Variants in EIF2B3 observed in about 807,000 individuals in gnomAD.
The protein encoded by EIF2B3 is eukaryotic translation initiation factor 2B subunit gamma.
In EIF2B3, 20 loss-of-function variants were observed where a neutral mutation model predicts 54.1. The ratio of observed to expected loss-of-function variants is 0.37; its 90% CI spans 0.26 to 0.54. The LOEUF is 0.54. Ranked by LOEUF, EIF2B3 falls within the 20% of genes least tolerant of loss-of-function variation. EIF2B3 has a pLI of 0.86. For synonymous variants in EIF2B3, 153 were observed against 188.1 expected (o/e 0.81, Z 1.52); for missense variants, 448 against 547.8 (o/e 0.82, Z 1.82).
intron 11 of EIF2B3, among the ~76,000 whole-genome samples, chr1:44,855,560 CTTTTT>C (rs879797686): frequency 6.9e-6 from 1 of 144,316 alleles, no homozygotes; most frequent in Non-Finnish European, 1.5e-5. Flanking sequence ...CCTTGAGGAT[CTTTTT>C]TTTTTTTTTG....
At chr1:44,949,270 A>G (rs1347829188) in intron 3 of EIF2B3, among the ~76,000 whole-genome samples, 2 of 152,212 alleles carry the variant, frequency 1.3e-5, no homozygotes, top group East Asian at 3.8e-4. Flanking sequence ...GTCTTGTCAC[A>G]GTTACTAGAA....
Position 44,981,052 on chromosome 1 carries a change from T to G in EIF2B3, c.117A>C (p.Pro39=). ...PVGNKPLIWY[P]LNLLERVGFE... ...ATCCAACACGCTCAAGCAGGTTCAA[T>G]GGGTACCAAATTAAAGGTTTGTTCC... The change falls in exon 2 of 12, where the codon CCA becomes CCC. Residue 39 remains proline, a synonymous_variant. Transcript: ENST00000360403. 6.2e-7 allele frequency: 1 copy of G among 1,613,732 alleles called. No homozygotes were observed. The highest frequency in any genetic ancestry group is 1.1e-5 in the South Asian group (1 of 91,066).
At chr1:44,887,000 G>A (rs1337931886) in intron 6 of EIF2B3, among the ~76,000 whole-genome samples, 2 of 152,192 alleles carry the variant, frequency 1.3e-5, no homozygotes, top group African/African-American at 4.8e-5. Flanking sequence ...GAACAAGCAA[G>A]GTACCTGCAA....
intron 4 of EIF2B3, among the ~76,000 whole-genome samples, chr1:44,934,924 G>A (rs1044118403): frequency 6.6e-6 from 1 of 152,222 alleles, no homozygotes; most frequent in Non-Finnish European, 1.5e-5. Context: ...GAAAGCTGTA[G>A]CAAAAGAAAT....
In EIF2B3 at chr1:44,951,954, A is replaced by ATTTTTTTT. The variant is rs1171020644; in HGVS notation, c.295-10297_295-10290dup. ...AGGGGCGCACCACCATGCCTGGCTA[A>ATTTTTTTT]TTTTTTTTTTTTTTTTTTTTTTTTT... On this transcript the variant is annotated intron_variant, in intron 3 of 11. Transcript: ENST00000360403. Among the ~76,000 whole-genome samples the ATTTTTTTT allele has an allele frequency of 2.3e-3, 104 of 44,650 alleles. 24 individuals carry two copies. Among genetic ancestry groups the ATTTTTTTT allele is most frequent in the East Asian group, 6.2e-3 (2 of 324 alleles). 29.3% of individuals were successfully genotyped at this position (44,650 alleles called of 152,430 possible).
At chr1:44,917,523 C>A (rs1053725749) in intron 5 of EIF2B3, among the ~76,000 whole-genome samples, 1 of 150,680 alleles carries the variant, frequency 6.6e-6, no homozygotes, top group Non-Finnish European at 1.5e-5. Flanking sequence ...AAAAAATCTT[C>A]AGATTTTACT....
chr1:44,858,168 G>C (rs963858077), intron 10 of EIF2B3, among the ~76,000 whole-genome samples: 1 of 148,944 alleles, frequency 6.7e-6, no homozygotes, highest in Non-Finnish European at 1.5e-5. Flanking sequence ...AAAACTCCTG[G>C]GTTCAAGTGA....
At chr1:44,968,818 AC>A (rs1644371214) in intron 3 of EIF2B3, among the ~76,000 whole-genome samples, 1 of 151,676 alleles carries the variant, frequency 6.6e-6, no homozygotes, top group African/African-American at 2.4e-5. Flanking sequence ...AACTGCTTAA[AC>A]CTGGGAGGCG....
At chr1:44,894,889 CT>C (rs1411333367) in intron 6 of EIF2B3, among the ~76,000 whole-genome samples, 1 of 152,180 alleles carries the variant, frequency 6.6e-6, no homozygotes, top group African/African-American at 2.4e-5. Context: ...CCCTGCTCAG[CT>C]TTCAAGACCT....
rs141486003 is a variant in EIF2B3 at position 44,869,694 on chromosome 1, G to A, written c.1202+4984C>T. Among the ~76,000 whole-genome samples, 666 of 146,144 alleles carry A rather than the reference G, an allele frequency of 4.6e-3. 5 individuals carry two copies. The highest frequency in any genetic ancestry group is 0.016 in the African/African-American group (631 of 39,694). On this transcript the variant is annotated intron_variant, in intron 10 of 11. Transcript: ENST00000360403. ...CAGCTCACTGCAATCTCTGCCTGCC[G>A]GGTTCAAGCGATTCTTCTGCCTCAG...
chr1:44,920,201 G>A (rs373766347), intron 5 of EIF2B3, among the ~76,000 whole-genome samples: 15 of 151,746 alleles, frequency 9.9e-5, no homozygotes, highest in African/African-American at 3.1e-4. Flanking sequence ...AGGTTTTGGT[G>A]CTATATAAAC....
chr1:44,968,896 C>CA (rs61693975), intron 3 of EIF2B3, among the ~76,000 whole-genome samples: 45 of 136,248 alleles, frequency 3.3e-4, no homozygotes, highest in South Asian at 4.6e-4. Context: ...AACTCCATCT[C>CA]AAAAAAAAAA....
chr1:44,925,063 C>T (rs1210591491), intron 5 of EIF2B3: 5 of 152,198 alleles, frequency 3.3e-5, no homozygotes, highest in Non-Finnish European at 5.9e-5. Flanking sequence ...GAAACTGGGG[C>T]TCTTATGCAC....
chr1:44,870,992 A>C (rs1654948011), intron 10 of EIF2B3, among the ~76,000 whole-genome samples: 1 of 152,130 alleles, frequency 6.6e-6, no homozygotes, highest in African/African-American at 2.4e-5. Flanking sequence ...TTCGTACTTC[A>C]AGCACAGCTT....
chr1:44,920,251 G>C (rs1643712461), intron 5 of EIF2B3, among the ~76,000 whole-genome samples: 1 of 151,426 alleles, frequency 6.6e-6, no homozygotes, highest in African/African-American at 2.4e-5. Flanking sequence ...TTTAATTTTT[G>C]TGAGTACATG....
chr1:44,899,240 A>T (rs1366943900), intron 5 of EIF2B3, among the ~76,000 whole-genome samples: 2 of 152,268 alleles, frequency 1.3e-5, no homozygotes, highest in Non-Finnish European at 2.9e-5. Flanking sequence ...TAGAAAATGT[A>T]CAGAGCTATA....
At chr1:44,911,981 T>C (rs1456571891) in intron 5 of EIF2B3, among the ~76,000 whole-genome samples, 1 of 150,716 alleles carries the variant, frequency 6.6e-6, no homozygotes, top group Non-Finnish European at 1.5e-5. Context: ...CTTGCGATAG[T>C]TTACTGAGAA....
intron 4 of EIF2B3, among the ~76,000 whole-genome samples, chr1:44,933,928 G>A (rs1643919564): frequency 2.0e-5 from 3 of 151,336 alleles, no homozygotes; most frequent in South Asian, 2.1e-4. Flanking sequence ...TTTGAGACCA[G>A]CCTGACCAAA....
intron 11 of EIF2B3, among the ~76,000 whole-genome samples, chr1:44,854,029 G>A (rs940699477): frequency 2.0e-5 from 3 of 146,518 alleles, no homozygotes; most frequent in Non-Finnish European, 4.4e-5. Flanking sequence ...TCTGAATGGA[G>A]TCTTGCTCTG....
Sources: gnomAD v4.1 joint callset for allele counts (sites outside exome capture counted in the v4.1 genomes callset) on GRCh38, gnomAD v4.1.1 for gene constraint, MANE v1.5 for transcripts, NCBI Gene and HGNC (gene_info 2026-07-23, HGNC 2026-07-21) for gene names.